The following SERPINB6 variants were observed in gnomAD, a reference collection of about 807,000 sequenced individuals.
The protein encoded by SERPINB6 is serpin family B member 6.
SERPINB6 carries 16 observed loss-of-function variants against 26.1 expected under a neutral mutation model. The observed-to-expected ratio is 0.61, with a 90% CI of 0.42 to 0.93. The LOEUF is 0.93. SERPINB6 is among the 40% of genes least tolerant of loss of function. The probability of loss-of-function intolerance (pLI) is 0.00; values close to 1 mark genes in which losing one functional copy is unlikely to be tolerated. For synonymous variants in SERPINB6, 174 were observed against 176.6 expected (o/e 0.99, Z 0.11); for missense variants, 420 against 478.0 (o/e 0.88, Z 1.13).
At chr6:2,970,821 T>C (rs982189251) in intron 1 of SERPINB6, 12 of 1,231,400 alleles carry the variant, frequency 9.7e-6, no homozygotes, top group African/African-American at 3.1e-5. Flanking sequence ...CTGTAATAGT[T>C]TGCCTGTAGG....
At chr6:2,969,196 CT>C in intron 1 of SERPINB6, 2 of 987,334 alleles carry the variant, frequency 2.0e-6, no homozygotes, top group Non-Finnish European at 2.4e-6. Flanking sequence ...TGAGATTTTT[CT>C]ATCGAGGGCT....
At chr6:2,968,651 G>C in intron 1 of SERPINB6, 1 of 1,224,352 alleles carries the variant, frequency 8.2e-7, no homozygotes, top group Non-Finnish European at 1.0e-6. Flanking sequence ...TGTTATGGTG[G>C]CTGGTGTTTG....
At position 2,953,041 on chromosome 6, in the gene SERPINB6, C is replaced by G; in HGVS notation, c.573+3G>C. The G allele has an allele frequency of 6.2e-7, 1 of 1,614,202 alleles. No homozygotes were observed. The highest frequency in any genetic ancestry group is 1.1e-5 in the South Asian group (1 of 91,082). ...GCTGCTCCTGTCACGGCCCCTTACT[C>G]GCCTTGCTGACTTTAAACAGTCTCT... On this transcript the variant is annotated splice_donor_region_variant and intron_variant, in intron 5 of 6. Coordinates refer to ENST00000380539, the MANE Select transcript of SERPINB6 (RefSeq NM_004568.6).
intron 3 of SERPINB6, chr6:2,955,233 G>T: frequency 3.7e-5 from 14 of 379,498 alleles, no homozygotes; most frequent in East Asian, 1.6e-4. Flanking sequence ...ACACTAAGTT[G>T]AATCAGTCTC....
rs1769421391 is a variant in SERPINB6 at position 2,948,783 on chromosome 6, C to A, written c.730-84G>T. The A allele has an allele frequency of 1.9e-6, 3 of 1,561,322 alleles. No individual in the cohort carries two copies. The East Asian group carries it at 6.7e-5, about 35-fold the overall frequency. Reference sequence around the variant, plus strand: ...GTGCTATGCTGTGGATGCCAGACACCAGTGGCAGCGTGGCTATGGTCAGCA... The same window carrying A: ...GTGCTATGCTGTGGATGCCAGACACAAGTGGCAGCGTGGCTATGGTCAGCA... On this transcript the variant is annotated intron_variant, in intron 6 of 6. Coordinates refer to ENST00000380539, the MANE Select transcript of SERPINB6 (RefSeq NM_004568.6). This position sits in a 1 kb window ranked among gnomAD's most constrained non-coding sequence, Gnocchi z 5.0.
At chr6:2,971,783 C>T (rs1772204314), upstream of SERPINB6, 1 of 152,352 alleles carries the variant, frequency 6.6e-6, no homozygotes, top group South Asian at 2.1e-4. Flanking sequence ...TATGGTGCCT[C>T]TGTGGAGACT....
chr6:2,971,105 G>C, intron 1 of SERPINB6: 1 of 1,083,920 alleles, frequency 9.2e-7, no homozygotes, highest in Non-Finnish European at 1.1e-6. Flanking sequence ...CCGCGGGGCC[G>C]ACCGGGGTCA....
intron 5 of SERPINB6, among the ~76,000 whole-genome samples, chr6:2,950,353 T>C (rs1362284314): frequency 6.6e-6 from 1 of 151,700 alleles, no homozygotes; most frequent in Non-Finnish European, 1.5e-5. Context: ...GCCAACATGG[T>C]GAAACCCCAC....
At chr6:2,953,013 G>C (rs775235260) in intron 5 of SERPINB6, 31 bp downstream of exon 5, 4 of 1,613,720 alleles carry the variant, frequency 2.5e-6, no homozygotes, top group South Asian at 1.1e-5. Flanking sequence ...TGTGAACACA[G>C]GCGCTGCTCC....
chr6:2,953,441 G>A lies in SERPINB6; in HGVS notation c.431-255C>T, dbSNP rs570045593. 3.3e-5 allele frequency among the ~76,000 whole-genome samples: 5 copies of A among 152,294 alleles called. No homozygotes were observed. The East Asian group carries it at 5.8e-4, about 18-fold the overall frequency. On this transcript the variant is annotated intron_variant, in intron 4 of 6. Transcript: ENST00000380539. ...TATGCAGGATGAGTTCCTAACACAT[G>A]AGATAAGAAGCAATCATGGGTGCCT...
intron 1 of SERPINB6, chr6:2,959,649 G>A (rs1004503484): frequency 9.5e-6 from 4 of 422,834 alleles, no homozygotes; most frequent in Non-Finnish European, 1.8e-5. Context: ...TCCTTGGGGT[G>A]GAATTACAGA....
rs149872411 is a variant in SERPINB6, at chr6:2,955,342, C to T, written c.312+182G>A. ...AGATGCTGACAAGACACTTCAAAAG[C>T]GTGAAGTAGATCCACCTTATTGAAA... is the stretch of plus-strand genomic sequence containing the variant. On this transcript the variant is annotated intron_variant, in intron 3 of 6. Transcript: ENST00000380539. The T allele has an allele frequency of 2.0e-4, 137 of 682,394 alleles. No homozygotes were observed. The African/African-American group carries it at 2.1e-3, about 11-fold the overall frequency. The allele number at this position is 682,394 out of a possible 1,614,324, so 42.3% of individuals were successfully genotyped here.
chr6:2,970,831 G>C, intron 1 of SERPINB6: 1 of 1,231,604 alleles, frequency 8.1e-7, no homozygotes, highest in Non-Finnish European at 1.0e-6. Context: ...TTGCCTGTAG[G>C]GAGTTTAATT....
At chr6:2,949,318 A>G (rs1356561669) in intron 5 of SERPINB6, among the ~76,000 whole-genome samples, 2 of 152,142 alleles carry the variant, frequency 1.3e-5, no homozygotes, top group Non-Finnish European at 2.9e-5. Flanking sequence ...TTTAAACACA[A>G]TATCACACCA....
chr6:2,954,117 C>CAAAAA (rs540686090), intron 4 of SERPINB6, among the ~76,000 whole-genome samples: 1 of 67,778 alleles, frequency 1.5e-5, no homozygotes, highest in Non-Finnish European at 3.1e-5. Context: ...GACCTTGTCT[C>CAAAAA]AAAAAAAAAA....
At chr6:2,955,173 G>A (rs1281725979) in intron 3 of SERPINB6, 5 of 300,706 alleles carry the variant, frequency 1.7e-5, no homozygotes, top group Admixed American at 9.9e-5. Context: ...CTGGGCGACA[G>A]AGCGAGATTC....
chr6:2,959,123 G>A (rs955482323), intron 2 of SERPINB6, 45 bp downstream of exon 2: 2 of 1,605,204 alleles, frequency 1.2e-6, no homozygotes, highest in Non-Finnish European at 1.7e-6. Flanking sequence ...AGGAGGACCA[G>A]CTAACTTGAC....
chr6:2,952,938 G>A, intron 5 of SERPINB6, 106 bp downstream of exon 5: 1 of 1,521,628 alleles, frequency 6.6e-7, no homozygotes, highest in Non-Finnish European at 9.0e-7. Context: ...ATGTCAAGCA[G>A]GAGGGGCAGG....
At position 2,948,236 on chromosome 6, in the gene SERPINB6, G is replaced by T; in HGVS notation, c.*62C>A. The stretch of plus-strand genomic sequence containing the variant: ...ACGGATAAGGCCACTTGGGTTGCAG[G>T]CACACTGTGGAGTGTCAGGGGACAG... On this transcript the variant is annotated 3_prime_UTR_variant, in exon 7 of 7. Coordinates refer to ENST00000380539, the MANE Select transcript of SERPINB6 (RefSeq NM_004568.6). The surrounding 1 kb of genome is among the most constrained non-coding windows in gnomAD (Gnocchi z 5.0). 1 of 1,596,344 alleles carries T rather than the reference G, an allele frequency of 6.3e-7. No individual in the cohort carries two copies. The highest frequency in any genetic ancestry group is 1.1e-5 in the South Asian group (1 of 90,562).
Sources: gnomAD v4.1 joint callset for allele counts (sites outside exome capture counted in the v4.1 genomes callset) on GRCh38, gnomAD v4.1.1 for gene constraint, Gnocchi (gnomAD v3.1) non-coding constraint, MANE v1.5 for transcripts, NCBI Gene and HGNC (gene_info 2026-07-23, HGNC 2026-07-21) for gene names.